The following HIVEP1 variants were observed in gnomAD, a reference collection of about 807,000 sequenced individuals.
HIVEP1 encodes HIVEP zinc finger 1.
A neutral mutation model predicts 180.0 loss-of-function variants in HIVEP1; 36 were observed. The observed-to-expected ratio is 0.20, with a 90% CI of 0.15 to 0.26. The LOEUF (loss-of-function observed/expected upper bound fraction) is 0.26. Among genes scored for constraint, HIVEP1 ranks in the 10% least tolerant of loss-of-function variants. HIVEP1 has a pLI of 1.00. For missense variants in HIVEP1, 3,143 were observed against 3,268.7 expected (o/e 0.96, Z 0.94); for synonymous variants, 1,239 against 1,239.0 (o/e 1.00, Z 0.00).
intron 3 of HIVEP1, among the ~76,000 whole-genome samples, chr6:12,114,171 G>A (rs1031079774): frequency 2.6e-5 from 4 of 151,938 alleles, no homozygotes; most frequent in Non-Finnish European, 4.4e-5. Context: ...CGGGCCCTGC[G>A]CGTCCTCATG....
chr6:12,210,378 G>T, the HIVEP1 span, among the ~76,000 whole-genome samples: 4 of 152,194 alleles, frequency 2.6e-5, no homozygotes, highest in African/African-American at 9.7e-5. Flanking sequence ...TTTTGAAGCA[G>T]ATAATTTCTT....
chr6:12,142,553 T>C (rs1380862575), intron 7 of HIVEP1, among the ~76,000 whole-genome samples: 3 of 151,570 alleles, frequency 2.0e-5, no homozygotes, highest in South Asian at 2.1e-4. Flanking sequence ...CTGAAGGAGA[T>C]AGAGACACAA....
chr6:12,016,830 G>A (rs1767786531), intron 2 of HIVEP1, among the ~76,000 whole-genome samples: 1 of 152,154 alleles, frequency 6.6e-6, no homozygotes, highest in Admixed American at 6.5e-5. Flanking sequence ...GAACTCCCTA[G>A]AGACTCACTC....
rs1460360918 is a variant in HIVEP1 at position 12,122,368 on chromosome 6, C to T, written c.2573C>T (p.Pro858Leu). 1 of 1,614,200 alleles carries T rather than the reference C, an allele frequency of 6.2e-7. No individual in the cohort carries two copies. The highest frequency in any genetic ancestry group is 8.5e-7 in the Non-Finnish European group (1 of 1,180,000). ...SAVPANIIPPPHPLRGSQSFD... is the reference protein window; with the variant it reads ...SAVPANIIPPLHPLRGSQSFD... ...GTACCTGCAAATATAATACCTCCTCCTCATCCACTAAGAGGAAGTCAGTCA... is the reference window on the plus strand; with the variant it reads ...GTACCTGCAAATATAATACCTCCTCTTCATCCACTAAGAGGAAGTCAGTCA... The change falls in exon 4 of 9, where the codon CCT (proline) becomes CTT (leucine). Residue 858 changes from proline to leucine, a missense_variant. Physicochemically the swap from Pro to Leu is moderately conservative, Grantham distance 98 (BLOSUM62 -3). Around this residue, in one of 12 missense-constraint regions of HIVEP1, gnomAD observed 204 missense variants for 243.7 expected, o/e 0.84. Transcript: ENST00000379388.
intron 3 of HIVEP1, among the ~76,000 whole-genome samples, chr6:12,103,611 T>C (rs1055829525): frequency 2.6e-5 from 4 of 152,156 alleles, no homozygotes; most frequent in African/African-American, 4.8e-5. Context: ...GCAGCTGTTA[T>C]TATATTTAAT....
intron 7 of HIVEP1, among the ~76,000 whole-genome samples, chr6:12,141,952 A>G (rs920105783): frequency 2.6e-5 from 4 of 152,112 alleles, no homozygotes; most frequent in Non-Finnish European, 5.9e-5. Context: ...TTAACACCCC[A>G]CTGTCAGTAT....
At chr6:12,032,049 G>A (rs1458629313) in intron 2 of HIVEP1, among the ~76,000 whole-genome samples, 1 of 151,920 alleles carries the variant, frequency 6.6e-6, no homozygotes, top group African/African-American at 2.4e-5. Context: ...GATACAAATA[G>A]TGTGATGATT....
the HIVEP1 span, among the ~76,000 whole-genome samples, chr6:12,202,336 A>G: frequency 1.3e-5 from 2 of 151,544 alleles, no homozygotes; most frequent in African/African-American, 2.4e-5. Flanking sequence ...ATGGGGTTTC[A>G]CCTTGTTGCT....
chr6:12,138,859 T>G (rs185948479), intron 7 of HIVEP1, among the ~76,000 whole-genome samples: 124 of 151,936 alleles, frequency 8.2e-4, no homozygotes, highest in Admixed American at 4.8e-3. Flanking sequence ...TCCATCTGCT[T>G]GGCCAAAAAT....
intron 2 of HIVEP1, among the ~76,000 whole-genome samples, chr6:12,031,828 C>T (rs1768965719): frequency 7.2e-5 from 11 of 152,176 alleles, no homozygotes; most frequent in Admixed American, 7.2e-4. Context: ...GGATTTGTCA[C>T]TCCTCACTTT....
intron 7 of HIVEP1, among the ~76,000 whole-genome samples, chr6:12,159,135 G>C (rs959500662): frequency 1.3e-5 from 2 of 152,082 alleles, no homozygotes; most frequent in Non-Finnish European, 2.9e-5. Context: ...GATTATCTGG[G>C]ACCTCGGCTT....
intron 2 of HIVEP1, chr6:12,020,479 C>T (rs1231561019): frequency 4.2e-6 from 2 of 470,858 alleles, no homozygotes; most frequent in Non-Finnish European, 8.8e-6. Context: ...CATCGCTGCT[C>T]TGTGGAGGGG....
At chr6:12,127,307 G>A (rs1444946755) in intron 4 of HIVEP1, among the ~76,000 whole-genome samples, 4 of 152,208 alleles carry the variant, frequency 2.6e-5, no homozygotes, top group Admixed American at 2.6e-4. Flanking sequence ...GTGTATGGTG[G>A]TGGAGAACCA....
intron 7 of HIVEP1, among the ~76,000 whole-genome samples, chr6:12,149,902 G>A (rs902744272): frequency 6.6e-6 from 1 of 152,164 alleles, no homozygotes; most frequent in African/African-American, 2.4e-5. Context: ...ACCACCCTTA[G>A]CAACAGCAGG....
rs182275623 is a variant in HIVEP1 at position 12,044,000 on chromosome 6, G to A, written c.40+28332G>A. ...TGGAGAATTGTTGAAGATGGGGAGCGTGTGAATGTGTGGTTATTCTGGGCT... is the reference window on the plus strand; with the variant it reads ...TGGAGAATTGTTGAAGATGGGGAGCATGTGAATGTGTGGTTATTCTGGGCT... On this transcript the variant is annotated intron_variant, in intron 2 of 8. Transcript: ENST00000379388. Among the ~76,000 whole-genome samples, 33 of 152,228 alleles carry A rather than the reference G, an allele frequency of 2.2e-4. No individual in the cohort carries two copies. In the East Asian group the frequency reaches 5.2e-3, roughly 24 times the overall value.
intron 3 of HIVEP1, among the ~76,000 whole-genome samples, chr6:12,116,242 A>G (rs1249958233): frequency 6.6e-6 from 1 of 152,100 alleles, no homozygotes; most frequent in Non-Finnish European, 1.5e-5. Context: ...TTAAAAAACT[A>G]TTCCAGGTAT....
At chr6:12,108,873 C>G (rs909873443) in intron 3 of HIVEP1, among the ~76,000 whole-genome samples, 3 of 152,250 alleles carry the variant, frequency 2.0e-5, no homozygotes, top group Non-Finnish European at 4.4e-5. Flanking sequence ...CCTCAGGTGC[C>G]GCCAAAGTGG....
chr6:12,055,612 A>G (rs1646545847), intron 2 of HIVEP1, among the ~76,000 whole-genome samples: 1 of 152,242 alleles, frequency 6.6e-6, no homozygotes, highest in Admixed American at 6.5e-5. Flanking sequence ...TCTCTCACCA[A>G]TATCCAGTTT....
chr6:12,099,706 C>G (rs1177341916), intron 3 of HIVEP1, among the ~76,000 whole-genome samples: 1 of 152,036 alleles, frequency 6.6e-6, no homozygotes, highest in Admixed American at 6.5e-5. Flanking sequence ...GTTCTTAGTG[C>G]ATGTAGTAGG....
Sources: allele counts gnomAD v4.1 joint callset (sites outside exome capture counted in the v4.1 genomes callset), GRCh38; gene constraint gnomAD v4.1.1; regional missense constraint gnomAD v4.1.1; transcripts MANE v1.5; gene names NCBI Gene and HGNC (gene_info 2026-07-23, HGNC 2026-07-21).